LRRC4C: variants seen among roughly 807,000 people sequenced by gnomAD.
LRRC4C encodes leucine rich repeat containing 4C.
Under a neutral mutation model 33.6 loss-of-function variants are expected in LRRC4C, and 5 were observed. That is an observed-to-expected ratio of 0.15 (90% confidence interval 0.08 to 0.31). The LOEUF (loss-of-function observed/expected upper bound fraction) is 0.31, where lower values mean the gene tolerates loss of function less well. Ranked by LOEUF, LRRC4C falls within the 10% of genes least tolerant of loss-of-function variation. The pLI is 1.00. For synonymous variants in LRRC4C, 329 were observed against 302.0 expected (o/e 1.09, Z -0.93); for missense variants, 560 against 796.7 (o/e 0.70, Z 3.58).
chr11:40,378,666 C>T (rs1299461942), intron 3 of LRRC4C, among the ~76,000 whole-genome samples: 2 of 152,044 alleles, frequency 1.3e-5, no homozygotes, highest in African/African-American at 4.8e-5. Flanking sequence ...ATACATCTTA[C>T]TAGATGTCAG....
chr11:41,202,788 A>ATT (rs34535654), intron 1 of LRRC4C, among the ~76,000 whole-genome samples: 5 of 142,958 alleles, frequency 3.5e-5, no homozygotes, highest in South Asian at 2.3e-4. Context: ...TTGAAAACCG[A>ATT]TTTTTTTTTT....
At position 40,960,244 on chromosome 11, in the gene LRRC4C, G is replaced by A. The variant is rs371279272; in HGVS notation, c.-495-26521C>T. Among the ~76,000 whole-genome samples, 4 of 151,520 alleles carry A rather than the reference G, an allele frequency of 2.6e-5. No individual in the cohort carries two copies. In the East Asian group the frequency reaches 7.8e-4, roughly 29 times the overall value. On this transcript the variant is annotated intron_variant, in intron 1 of 6. Transcript: ENST00000528697. ...AAATTGCATTATAAAGTCTTTTGAA[G>A]GTTCATTATCAAATTTCTAATTTGT... is the stretch of plus-strand genomic sequence containing the variant.
intron 5 of LRRC4C, among the ~76,000 whole-genome samples, chr11:40,217,373 A>T (rs189901472): frequency 3.9e-5 from 6 of 152,280 alleles, no homozygotes; most frequent in Admixed American, 2.0e-4. Context: ...AATATGCAAC[A>T]TATTATTTTT....
intron 3 of LRRC4C, among the ~76,000 whole-genome samples, chr11:40,393,292 C>T (rs1276495630): frequency 6.6e-6 from 1 of 152,098 alleles, no homozygotes; most frequent in African/African-American, 2.4e-5. Flanking sequence ...TGAACTAATG[C>T]TTTCATTACA....
At chr11:40,984,419 A>G (rs553347355) in intron 1 of LRRC4C, among the ~76,000 whole-genome samples, 6 of 116,542 alleles carry the variant, frequency 5.1e-5, no homozygotes, top group South Asian at 2.6e-4. Flanking sequence ...AAGAAAGAGA[A>G]AGAAAGAAAG....
At chr11:40,143,012 T>G (rs1026359598) in intron 5 of LRRC4C, among the ~76,000 whole-genome samples, 7 of 152,212 alleles carry the variant, frequency 4.6e-5, no homozygotes, top group Admixed American at 3.3e-4. Context: ...ATTTCAGGAA[T>G]GATTTTTCTA....
chr11:40,803,435 A>G (rs1167751311), intron 2 of LRRC4C, among the ~76,000 whole-genome samples: 2 of 152,154 alleles, frequency 1.3e-5, no homozygotes, highest in Non-Finnish European at 2.9e-5. Flanking sequence ...GCTAAACCTA[A>G]AACCCTTAAC....
chr11:40,373,759 C>T (rs2137281140), intron 3 of LRRC4C, among the ~76,000 whole-genome samples: 1 of 152,218 alleles, frequency 6.6e-6, no homozygotes, highest in Middle Eastern at 3.4e-3. Context: ...AGCTTGGCTC[C>T]TACTCCTGTT....
At chr11:40,265,129 CAT>C (rs1942155651) in intron 4 of LRRC4C, among the ~76,000 whole-genome samples, 1 of 152,176 alleles carries the variant, frequency 6.6e-6, no homozygotes, top group African/African-American at 2.4e-5. Flanking sequence ...TCCCTCCTTC[CAT>C]TTTCCCATAG....
intron 1 of LRRC4C, among the ~76,000 whole-genome samples, chr11:41,459,029 C>T (rs1956256413): frequency 6.6e-6 from 1 of 152,128 alleles, no homozygotes; most frequent in African/African-American, 2.4e-5. Flanking sequence ...CCCACCTCCC[C>T]AGCCCCCAGT....
At chr11:40,604,237 G>A (rs1262787365) in intron 3 of LRRC4C, among the ~76,000 whole-genome samples, 1 of 152,078 alleles carries the variant, frequency 6.6e-6, no homozygotes, top group Non-Finnish European at 1.5e-5. Context: ...TTTCCAGTAT[G>A]ATAGCTTTCA....
At position 40,657,507 on chromosome 11, in the gene LRRC4C, T is replaced by C. The variant is rs549081472; in HGVS notation, c.-406-9229A>G. ...CTCCCATTCTATTCAGTTATCTCTC[T>C]GCTCACTAAGATAAATGCATATCTA... On this transcript the variant is annotated intron_variant, in intron 2 of 6. Coordinates refer to ENST00000528697, the MANE Select transcript of LRRC4C (RefSeq NM_001258419.2). 3.3e-5 allele frequency among the ~76,000 whole-genome samples: 5 copies of C among 152,286 alleles called. No individual in the cohort carries two copies. The South Asian group carries it at 1.0e-3, about 32-fold the overall frequency.
At chr11:40,165,655 T>C (rs188105640) in intron 5 of LRRC4C, among the ~76,000 whole-genome samples, 33 of 152,164 alleles carry the variant, frequency 2.2e-4, no homozygotes, top group African/African-American at 8.0e-4. Context: ...GAATTAGATC[T>C]TAAGAACATA....
intron 1 of LRRC4C, among the ~76,000 whole-genome samples, chr11:41,106,098 T>C (rs550035445): frequency 6.6e-6 from 1 of 152,198 alleles, no homozygotes; most frequent in African/African-American, 2.4e-5. Context: ...GAGGTTAAGT[T>C]TCTTATTCAA....
chr11:41,338,107 T>C (rs1591299899), intron 1 of LRRC4C, among the ~76,000 whole-genome samples: 1 of 152,278 alleles, frequency 6.6e-6, no homozygotes, highest in Middle Eastern at 3.4e-3. Flanking sequence ...TTAAATTAAT[T>C]CAACCATTGT....
intron 2 of LRRC4C, among the ~76,000 whole-genome samples, chr11:40,785,855 C>G (rs995920296): frequency 2.0e-5 from 3 of 152,070 alleles, no homozygotes; most frequent in East Asian, 3.9e-4. Flanking sequence ...ACTTTACCAT[C>G]TCATTGCACA....
intron 1 of LRRC4C, among the ~76,000 whole-genome samples, chr11:41,391,616 T>C (rs1953598107): frequency 6.6e-6 from 1 of 151,884 alleles, no homozygotes; most frequent in African/African-American, 2.4e-5. Context: ...ATGCTATAAT[T>C]CTCACTTATT....
intron 1 of LRRC4C, among the ~76,000 whole-genome samples, chr11:41,446,606 A>G (rs1463273826): frequency 6.6e-6 from 1 of 151,876 alleles, no homozygotes; most frequent in African/African-American, 2.4e-5. Context: ...GGAATATGGA[A>G]GCTACAAGGC....
chr11:41,087,980 T>A (rs559225641), intron 1 of LRRC4C, among the ~76,000 whole-genome samples: 23 of 152,260 alleles, frequency 1.5e-4, no homozygotes, highest in African/African-American at 5.3e-4. Flanking sequence ...AGCGCTAAGT[T>A]AACGAAAGTA....
Sources: gnomAD v4.1 joint callset for allele counts (sites outside exome capture counted in the v4.1 genomes callset) on GRCh38, gnomAD v4.1.1 for gene constraint, MANE v1.5 for transcripts, NCBI Gene and HGNC (gene_info 2026-07-23, HGNC 2026-07-21) for gene names.